The following TANC2 variants were observed in gnomAD, a reference collection of about 807,000 sequenced individuals.
TANC2 encodes tetratricopeptide repeat, ankyrin repeat and coiled-coil containing 2, also known as protein TANC2.
In TANC2, 26 loss-of-function variants were observed where a neutral mutation model predicts 210.5. The ratio of observed to expected loss-of-function variants is 0.12; its 90% CI spans 0.09 to 0.17. The LOEUF is 0.17. Ranked by LOEUF, TANC2 falls within the 10% of genes least tolerant of loss-of-function variation. The probability of loss-of-function intolerance (pLI) is 1.00; values close to 1 mark genes in which losing one functional copy is unlikely to be tolerated. For missense variants in TANC2, 2,129 were observed against 2,608.9 expected, an observed-to-expected ratio of 0.82 and a Z score of 4.01; for synonymous variants, 931 against 967.1, an observed-to-expected ratio of 0.96 and a Z score of 0.69.
At chr17:63,212,622 G>A (rs1358485517) in intron 7 of TANC2, among the ~76,000 whole-genome samples, 2 of 151,994 alleles carry the variant, frequency 1.3e-5, no homozygotes, top group Admixed American at 1.3e-4. Context: ...ATAGAAACAG[G>A]GTCTCACTAT....
intron 2 of TANC2, among the ~76,000 whole-genome samples, chr17:63,057,120 G>A (rs2035834877): frequency 6.6e-6 from 1 of 152,028 alleles, no homozygotes; most frequent in Non-Finnish European, 1.5e-5. Flanking sequence ...ATGCCATCAT[G>A]TCCAGTTGAG....
At chr17:63,020,411 C>T (rs1284476793) in intron 2 of TANC2, among the ~76,000 whole-genome samples, 2 of 152,136 alleles carry the variant, frequency 1.3e-5, no homozygotes, top group Non-Finnish European at 2.9e-5. Context: ...TCAAGAAATC[C>T]TCCTGCCTCA....
chr17:63,169,047 G>A (rs968100998), intron 5 of TANC2, among the ~76,000 whole-genome samples: 1 of 152,172 alleles, frequency 6.6e-6, no homozygotes, highest in African/African-American at 2.4e-5. Context: ...AGGAAAGAAA[G>A]GAGAGTTTCC....
rs964186701 is a variant in TANC2 at position 63,314,243 on chromosome 17, A to T, written c.1160-145A>T. ...TGTTGCTTATCTGTATAGAATCAAC[A>T]TTCGCAGTTGCATTATTTCTGAATA... On this transcript the variant is annotated intron_variant, in intron 9 of 27. Transcript: ENST00000689528. 1.4e-5 allele frequency: 12 copies of T among 828,508 alleles called. No individual in the cohort carries two copies. In the African/African-American group the frequency reaches 2.1e-4, roughly 14 times the overall value. The allele number at this position is 828,508 out of a possible 1,614,324, so 51.3% of individuals were successfully genotyped here.
At chr17:63,071,354 A>G (rs772083962) in intron 2 of TANC2, among the ~76,000 whole-genome samples, 4 of 152,100 alleles carry the variant, frequency 2.6e-5, no homozygotes, top group Non-Finnish European at 5.9e-5. Context: ...TGGTGTGATC[A>G]TAGCATAGCT....
In TANC2 at chr17:63,412,898, G is replaced by A. The variant is rs1567998827; in HGVS notation, c.3928+189G>A. On this transcript the variant is annotated intron_variant, in intron 24 of 27. Coordinates refer to ENST00000689528, the Ensembl canonical transcript of TANC2. This position sits in a 1 kb window ranked among gnomAD's most constrained non-coding sequence, Gnocchi z 4.2. Reference sequence around the variant, plus strand: ...AACTTTTGATAACTAACCTTGAAAAGCATAGTTTGTAAATAATTCAGGCAT... The same window carrying A: ...AACTTTTGATAACTAACCTTGAAAAACATAGTTTGTAAATAATTCAGGCAT... 6.6e-6 allele frequency among the ~76,000 whole-genome samples: 1 copy of A among 152,080 alleles called. No homozygotes were observed. The highest frequency in any genetic ancestry group is 1.5e-5 in the Non-Finnish European group (1 of 68,030).
At chr17:63,339,578 A>T (rs1312501672) in intron 11 of TANC2, among the ~76,000 whole-genome samples, 2 of 152,174 alleles carry the variant, frequency 1.3e-5, no homozygotes, top group African/African-American at 4.8e-5. Context: ...AAAACATTTA[A>T]TGCTAATTTT....
chr17:63,406,400 G>T, intron 21 of TANC2, 123 bp downstream of exon 21: 1 of 1,380,114 alleles, frequency 7.2e-7, no homozygotes. Context: ...GTTGGAAAAT[G>T]AAAGGCTATC....
At chr17:63,396,060 TAAG>T (rs1309051961) in intron 18 of TANC2, 132 bp downstream of exon 18, 28 of 830,516 alleles carry the variant, frequency 3.4e-5, no homozygotes, top group South Asian at 9.2e-5. Flanking sequence ...CTCTGAATAA[TAAG>T]GAGATTAAAC....
chr17:63,133,550 T>C (rs1342296257), intron 4 of TANC2, among the ~76,000 whole-genome samples: 1 of 152,230 alleles, frequency 6.6e-6, no homozygotes, highest in Non-Finnish European at 1.5e-5. Context: ...GGGTCTGCCA[T>C]GGAGAACTCA....
chr17:63,042,159 T>C (rs1318641263), intron 2 of TANC2, among the ~76,000 whole-genome samples: 2 of 152,160 alleles, frequency 1.3e-5, no homozygotes, highest in African/African-American at 4.8e-5. Flanking sequence ...TGTAGTTTAT[T>C]CTACTAAAAT....
At chr17:63,200,735 A>G in intron 6 of TANC2, 36 bp from the exon 7 acceptor site, 1 of 1,559,186 alleles carries the variant, frequency 6.4e-7, no homozygotes, top group Non-Finnish European at 8.7e-7. Flanking sequence ...ACAGCTGATC[A>G]GGTTATCTTA....
intron 11 of TANC2, among the ~76,000 whole-genome samples, chr17:63,327,576 A>C (rs1174931174): frequency 2.0e-5 from 3 of 152,222 alleles, no homozygotes; most frequent in African/African-American, 7.2e-5. Context: ...ATTACTGGGT[A>C]TATACCCAAA....
chr17:63,353,455 G>T (rs1279737739), intron 13 of TANC2, among the ~76,000 whole-genome samples: 1 of 152,068 alleles, frequency 6.6e-6, no homozygotes, highest in Non-Finnish European at 1.5e-5. Flanking sequence ...ATTAAGTACT[G>T]ATTTGGTCAC....
At chr17:63,247,711 A>G (rs2042955606) in intron 8 of TANC2, among the ~76,000 whole-genome samples, 1 of 152,130 alleles carries the variant, frequency 6.6e-6, no homozygotes, top group African/African-American at 2.4e-5. Flanking sequence ...ATATACCATC[A>G]GAGATCAGAT....
chr17:63,376,251 G>A (rs1330504393), intron 14 of TANC2, among the ~76,000 whole-genome samples: 3 of 149,684 alleles, frequency 2.0e-5, no homozygotes, highest in Non-Finnish European at 4.4e-5. Context: ...GGCTAACACA[G>A]TGAAACCCCA....
chr17:63,043,375 A>C (rs756044919), intron 2 of TANC2, among the ~76,000 whole-genome samples: 1 of 152,092 alleles, frequency 6.6e-6, no homozygotes, highest in Non-Finnish European at 1.5e-5. Flanking sequence ...ATATAAACCC[A>C]TACATAATTA....
exon 28 of TANC2, chr17:63,427,124 C>G (rs1464757195): frequency 6.6e-6 from 1 of 152,222 alleles, no homozygotes; most frequent in Non-Finnish European, 1.5e-5. Flanking sequence ...AGGCCAGTTC[C>G]TCATCAGGCT....
At chr17:63,410,940 A>G (rs556013882) in intron 21 of TANC2, among the ~76,000 whole-genome samples, 1 of 151,956 alleles carries the variant, frequency 6.6e-6, no homozygotes, top group Non-Finnish European at 1.5e-5. Flanking sequence ...AATAGTATAC[A>G]TAAAAAGAAA....
Sources: allele counts gnomAD v4.1 joint callset (sites outside exome capture counted in the v4.1 genomes callset), GRCh38; gene constraint gnomAD v4.1.1; non-coding constraint Gnocchi (gnomAD v3.1); transcripts MANE v1.5; gene names NCBI Gene and HGNC (gene_info 2026-07-23, HGNC 2026-07-21).